IGF1R: variants seen among roughly 807,000 people sequenced by gnomAD.
The protein encoded by IGF1R is insulin-like growth factor 1 receptor.
IGF1R carries 44 observed loss-of-function variants against 144.6 expected under a neutral mutation model. That is an observed-to-expected ratio of 0.30 (90% CI 0.24 to 0.39). IGF1R has a LOEUF of 0.39. Among genes scored for constraint, IGF1R ranks in the 10% least tolerant of loss-of-function variants. The pLI is 1.00. For missense variants in IGF1R, 1,355 were observed against 1,833.7 expected, an observed-to-expected ratio of 0.74 and a Z score of 4.77; for synonymous variants, 795 against 722.8, an observed-to-expected ratio of 1.10 and a Z score of -1.60.
chr15:98,939,401 C>T, intron 18 of IGF1R, 41 bp downstream of exon 18: 1 of 1,607,834 alleles, frequency 6.2e-7, no homozygotes, highest in African/African-American at 1.3e-5. Context: ...GAACTAAACT[C>T]AGGTGTTTTG....
At chr15:98,774,949 A>G (rs2055676545) in intron 2 of IGF1R, among the ~76,000 whole-genome samples, 1 of 152,012 alleles carries the variant, frequency 6.6e-6, no homozygotes, top group African/African-American at 2.4e-5. Flanking sequence ...GGTCTCACTT[A>G]CTAGTTACGT....
intron 18 of IGF1R, among the ~76,000 whole-genome samples, chr15:98,942,169 T>A (rs937377716): frequency 5.3e-5 from 8 of 152,186 alleles, no homozygotes; most frequent in African/African-American, 1.9e-4. Context: ...AGTGAAATTA[T>A]TTACTTTTCT....
intron 2 of IGF1R, among the ~76,000 whole-genome samples, chr15:98,795,092 T>C (rs1596310125): frequency 6.6e-6 from 1 of 151,542 alleles, no homozygotes; most frequent in East Asian, 1.9e-4. Flanking sequence ...CTAAATTATG[T>C]TCATAACATT....
intron 1 of IGF1R, among the ~76,000 whole-genome samples, chr15:98,666,023 T>C (rs1228519019): frequency 6.6e-6 from 1 of 152,228 alleles, no homozygotes; most frequent in Non-Finnish European, 1.5e-5. Flanking sequence ...GTAAGGATAC[T>C]ACTGTTTGCT....
chr15:98,876,800 T>C (rs1216971425), intron 2 of IGF1R, among the ~76,000 whole-genome samples: 1 of 152,240 alleles, frequency 6.6e-6, no homozygotes, highest in Admixed American at 6.5e-5. Context: ...GTGGTAATTC[T>C]GTTAACGAGA....
intron 2 of IGF1R, among the ~76,000 whole-genome samples, chr15:98,760,693 G>A (rs1321736571): frequency 1.3e-5 from 2 of 152,230 alleles, no homozygotes; most frequent in African/African-American, 4.8e-5. Flanking sequence ...GGCACCACTT[G>A]TAGTGATTGG....
chr15:98,888,705 G>T (rs2013764486), intron 2 of IGF1R, among the ~76,000 whole-genome samples: 1 of 152,082 alleles, frequency 6.6e-6, no homozygotes, highest in East Asian at 1.9e-4. Flanking sequence ...GACAGGAATG[G>T]GTTTCTTCTT....
At chr15:98,876,883 T>A (rs1045054433) in intron 2 of IGF1R, among the ~76,000 whole-genome samples, 1 of 152,252 alleles carries the variant, frequency 6.6e-6, no homozygotes, top group African/African-American at 2.4e-5. Context: ...GTCTAGTTGA[T>A]CTTTTGTGAT....
intron 2 of IGF1R, among the ~76,000 whole-genome samples, chr15:98,760,557 G>T (rs1381301041): frequency 6.6e-6 from 1 of 152,174 alleles, no homozygotes; most frequent in Non-Finnish European, 1.5e-5. Flanking sequence ...CATTTACATG[G>T]GTACTTGTGT....
At position 98,649,595 on chromosome 15, in the gene IGF1R, C is replaced by G. The variant is rs1218392148; in HGVS notation, c.14C>G (p.Ser5Cys). The change falls in exon 1 of 21, where the codon TCC becomes TGC. Residue 5 changes from serine (S) to cysteine (C), a missense_variant. Around this residue, in one of 7 missense-constraint regions of IGF1R, gnomAD observed 49 missense variants for 34.7 expected, o/e 1.41. Transcript: ENST00000650285. ...CAAATAAAAGGAATGAAGTCTGGCT[C>G]CGGAGGAGGGTCCCCGACCTCGCTG... is the stretch of plus-strand genomic sequence containing the variant. MKSG[S>C]GGGSPTSLWG... The G allele has an allele frequency of 6.3e-7, 1 of 1,593,752 alleles. No homozygotes were observed. The highest frequency in any genetic ancestry group is 8.6e-7 in the Non-Finnish European group (1 of 1,168,294).
intron 12 of IGF1R, 115 bp downstream of exon 12, chr15:98,924,127 ATG>A: frequency 1.9e-6 from 2 of 1,066,162 alleles, no homozygotes; most frequent in Non-Finnish European, 1.5e-6. Context: ...AATAAAATCC[ATG>A]CCAAGTTGGT....
chr15:98,816,169 A>C (rs1352692599), intron 2 of IGF1R, among the ~76,000 whole-genome samples: 2 of 152,138 alleles, frequency 1.3e-5, no homozygotes, highest in Non-Finnish European at 2.9e-5. Flanking sequence ...CAGTGGCCCT[A>C]ATCATGGGTC....
chr15:98,754,666 C>T (rs1353801137), intron 2 of IGF1R, among the ~76,000 whole-genome samples: 1 of 152,204 alleles, frequency 6.6e-6, no homozygotes, highest in East Asian at 1.9e-4. Flanking sequence ...GTTTTGGTTC[C>T]TTCTTTCTGT....
At chr15:98,713,384 A>G (rs2054040989) in intron 2 of IGF1R, among the ~76,000 whole-genome samples, 1 of 152,178 alleles carries the variant, frequency 6.6e-6, no homozygotes, top group Admixed American at 6.5e-5. Context: ...TACCAGGATT[A>G]TGAAATGCAG....
chr15:98,819,118 T>C (rs901396655), intron 2 of IGF1R, among the ~76,000 whole-genome samples: 2 of 151,928 alleles, frequency 1.3e-5, no homozygotes, highest in African/African-American at 4.8e-5. Context: ...GCCTCAGACA[T>C]CCAGGGGGGG....
chr15:98,771,711 C>T (rs779909695), intron 2 of IGF1R, among the ~76,000 whole-genome samples: 2 of 147,898 alleles, frequency 1.4e-5, no homozygotes. Flanking sequence ...GAGATTTGAA[C>T]ATTTTCATGT....
Position 98,959,671 on chromosome 15 carries a change from G to C in IGF1R, c.*2229G>C, listed in dbSNP as rs918365301. On this transcript the variant is annotated 3_prime_UTR_variant, in exon 21 of 21. Coordinates refer to ENST00000650285, the MANE Select transcript of IGF1R (RefSeq NM_000875.5). The stretch of plus-strand genomic sequence containing the variant: ...CATTTTTAGCACTTCTCACCAGAGA[G>C]ATGACAGCACAAGAGTTGCTTCTGG... The C allele has an allele frequency of 2.1e-5, 5 of 233,570 alleles. No homozygotes were observed. Among genetic ancestry groups the C allele is most frequent in the Non-Finnish European group, 4.2e-5 (5 of 118,016 alleles). The allele number at this position is 233,570 out of a possible 1,614,324, so 14.5% of individuals were successfully genotyped here.
intron 20 of IGF1R, among the ~76,000 whole-genome samples, chr15:98,950,159 T>C (rs900536621): frequency 6.6e-6 from 1 of 152,182 alleles, no homozygotes; most frequent in African/African-American, 2.4e-5. Context: ...GGCTGTTATG[T>C]CTGCATGAAG....
At chr15:98,796,750 C>T (rs995817777) in intron 2 of IGF1R, among the ~76,000 whole-genome samples, 1 of 152,212 alleles carries the variant, frequency 6.6e-6, no homozygotes, top group African/African-American at 2.4e-5. Context: ...CATGCACACA[C>T]GGACACGAAT....
Sources: allele counts gnomAD v4.1 joint callset (sites outside exome capture counted in the v4.1 genomes callset), GRCh38; gene constraint gnomAD v4.1.1; regional missense constraint gnomAD v4.1.1; transcripts MANE v1.5; gene names NCBI Gene and HGNC (gene_info 2026-07-23, HGNC 2026-07-21).